Variants in SEMA4F observed in about 807,000 individuals in gnomAD.
The protein encoded by SEMA4F is semaphorin-4F.
SEMA4F carries 51 observed loss-of-function variants against 78.4 expected under a neutral mutation model. The ratio of observed to expected loss-of-function variants is 0.65; its 90% CI spans 0.52 to 0.82. The LOEUF (loss-of-function observed/expected upper bound fraction) is 0.82. Ranked by LOEUF, SEMA4F falls within the 40% of genes least tolerant of loss-of-function variation. The pLI is 0.00. For missense variants in SEMA4F, 938 were observed against 1,014.4 expected (o/e 0.92, Z 1.02); for synonymous variants, 418 against 408.7 (o/e 1.02, Z -0.27).
chr2:74,673,474 G>A lies in SEMA4F; in HGVS notation c.568G>A (p.Ala190Thr). 2 of 1,614,096 alleles carry A rather than the reference G, an allele frequency of 1.2e-6. No individual in the cohort carries two copies. The highest frequency in any genetic ancestry group is 1.7e-6 in the Non-Finnish European group (2 of 1,180,016). ...AVMAGGVLYAATVKNYLGTEP... is the reference protein window; with the variant it reads ...AVMAGGVLYATTVKNYLGTEP... ...CCCTGCAGGGGGGGTCCTCTATGCT[G>A]CCACTGTGAAAAACTACCTGGGGAC... Residue 190 changes from alanine (A) to threonine (T), a missense_variant, in exon 6 of 14, where the codon GCC becomes ACC. By Grantham distance (58) the Ala-to-Thr change is moderately conservative (BLOSUM62 0). Coordinates refer to ENST00000357877, the MANE Select transcript of SEMA4F (RefSeq NM_004263.5).
At chr2:74,662,187 A>G (rs1332096241) in intron 4 of SEMA4F, among the ~76,000 whole-genome samples, 1 of 152,076 alleles carries the variant, frequency 6.6e-6, no homozygotes, top group Non-Finnish European at 1.5e-5. Flanking sequence ...CCTTGGTCGT[A>G]TGATGCAGCT....
chr2:74,696,345 G>GC, the SEMA4F span, among the ~76,000 whole-genome samples: 2 of 151,870 alleles, frequency 1.3e-5, no homozygotes, highest in African/African-American at 4.8e-5. Context: ...ACAGGTGCCT[G>GC]CCACCATGCC....
downstream of SEMA4F, among the ~76,000 whole-genome samples, chr2:74,684,963 C>G (rs1209750215): frequency 6.6e-6 from 1 of 152,222 alleles, no homozygotes; most frequent in Non-Finnish European, 1.5e-5. Context: ...CAGAGCGAGA[C>G]CTTGTCTCAA....
At chr2:74,656,403 G>A (rs1243989010) in intron 1 of SEMA4F, 131 bp from the exon 2 acceptor site, 10 of 791,516 alleles carry the variant, frequency 1.3e-5, no homozygotes, top group Non-Finnish European at 2.1e-5. Flanking sequence ...TGTCAAGGCT[G>A]TGTTTCTCCC....
At chr2:74,705,295 T>C in the SEMA4F span, among the ~76,000 whole-genome samples, 1 of 152,196 alleles carries the variant, frequency 6.6e-6, no homozygotes, top group East Asian at 1.9e-4. Flanking sequence ...GCAATTCCAC[T>C]CTTAGGAATT....
chr2:74,665,465 G>A (rs529893109), intron 5 of SEMA4F, among the ~76,000 whole-genome samples: 2 of 151,964 alleles, frequency 1.3e-5, no homozygotes, highest in Non-Finnish European at 2.9e-5. Flanking sequence ...TCCTGACCTC[G>A]TGATCTGCCC....
In SEMA4F at chr2:74,679,924, T is replaced by G; in HGVS notation, c.2028T>G (p.Thr676=). Reference sequence around the variant, plus strand: ...TGGGGATTCTCGCAGCATCCCTGACTCTCATTCTGATTGGTCGGCGTCAGC... The same window carrying G: ...TGGGGATTCTCGCAGCATCCCTGACGCTCATTCTGATTGGTCGGCGTCAGC... ...FFLGILAASL[T]LILIGRRQQR... The change falls in exon 14 of 14, where the codon ACT becomes ACG. Residue 676 remains threonine, a synonymous_variant. Coordinates refer to ENST00000357877, the MANE Select transcript of SEMA4F (RefSeq NM_004263.5). 6.2e-7 allele frequency: 1 copy of G among 1,614,216 alleles called. No homozygotes were observed. The highest frequency in any genetic ancestry group is 8.5e-7 in the Non-Finnish European group (1 of 1,180,048).
chr2:74,677,022 C>T (rs1002909094), intron 12 of SEMA4F, among the ~76,000 whole-genome samples: 3 of 152,134 alleles, frequency 2.0e-5, no homozygotes, highest in African/African-American at 4.8e-5. Context: ...CTGCCTCAGC[C>T]TCCCGAATAG....
the SEMA4F span, among the ~76,000 whole-genome samples, chr2:74,689,391 C>T: frequency 6.6e-6 from 1 of 152,194 alleles, no homozygotes; most frequent in African/African-American, 2.4e-5. Flanking sequence ...AGTGGGCATT[C>T]TATACTATTG....
chr2:74,690,784 G>C, the SEMA4F span, among the ~76,000 whole-genome samples: 1 of 152,114 alleles, frequency 6.6e-6, no homozygotes, highest in East Asian at 1.9e-4. Context: ...TTTTCCCCAA[G>C]AATAGCCTGT....
intron 1 of SEMA4F, chr2:74,655,143 T>G: frequency 4.6e-6 from 1 of 215,186 alleles, no homozygotes. Context: ...CTCCCATTAT[T>G]GGATCCACGT....
At chr2:74,675,484 G>T (rs367899167) in intron 10 of SEMA4F, 41 bp from the exon 11 acceptor site, 1 of 1,600,066 alleles carries the variant, frequency 6.2e-7, no homozygotes, top group African/African-American at 1.3e-5. Context: ...CAGGCACAGG[G>T]GCAATTATGT....
Position 74,675,249 on chromosome 2 carries a change from C to T in SEMA4F, c.1237C>T (p.Leu413Phe). The T allele has an allele frequency of 1.2e-6, 2 of 1,614,244 alleles. No individual in the cohort carries two copies. Among genetic ancestry groups the T allele is most frequent in the Middle Eastern group, 1.6e-4 (1 of 6,062 alleles). Residue 413 changes from leucine to phenylalanine, a missense_variant, in exon 10 of 14, where the codon CTC (leucine) becomes TTC (phenylalanine). Coordinates refer to ENST00000357877, the MANE Select transcript of SEMA4F (RefSeq NM_004263.5). Reference protein sequence around the residue: ...RVLTFIRDHPLMDRPVFPADG... With the variant: ...RVLTFIRDHPFMDRPVFPADG... ...ACTCACCTTCATCCGGGACCACCCA[C>T]TCATGGACAGGCCAGTGTTTCCAGC...
At chr2:74,673,970 AGG>A in intron 7 of SEMA4F, 142 bp downstream of exon 7, 11 of 1,006,294 alleles carry the variant, frequency 1.1e-5, no homozygotes, top group Admixed American at 4.7e-5. Flanking sequence ...TGGGAGCTTG[AGG>A]AATGTGAGAG....
At chr2:74,694,109 T>C in the SEMA4F span, among the ~76,000 whole-genome samples, 1 of 152,312 alleles carries the variant, frequency 6.6e-6, no homozygotes, top group East Asian at 1.9e-4. Context: ...TGATAAAACA[T>C]CTGCAGACAA....
chr2:74,671,542 C>T (rs1320741695), intron 5 of SEMA4F, among the ~76,000 whole-genome samples: 1 of 152,218 alleles, frequency 6.6e-6, no homozygotes, highest in Non-Finnish European at 1.5e-5. Flanking sequence ...GTAGCTCTCC[C>T]CTTAAATGAG....
Position 74,679,799 on chromosome 2 carries a change from G to A in SEMA4F, c.1903G>A (p.Ala635Thr). The stretch of plus-strand genomic sequence containing the variant: ...TGCCTGTGAATGTCAGGAGGGTGGG[G>A]CAGCCCATGTGGTAGCAGCTTACAG... The part of the protein sequence containing the change: ...AYACECQEGG[A>T]AHVVAAYSLV... The change falls in exon 14 of 14, where the codon GCA becomes ACA. Residue 635 changes from alanine (A) to threonine (T), a missense_variant. Physicochemically the swap from Ala to Thr is moderately conservative, Grantham distance 58 (BLOSUM62 0). Coordinates refer to ENST00000357877, the MANE Select transcript of SEMA4F (RefSeq NM_004263.5). 6.2e-7 allele frequency: 1 copy of A among 1,614,202 alleles called. No individual in the cohort carries two copies. The highest frequency in any genetic ancestry group is 8.5e-7 in the Non-Finnish European group (1 of 1,180,028).
At chr2:74,708,501 G>A in the SEMA4F span, among the ~76,000 whole-genome samples, 2 of 152,214 alleles carry the variant, frequency 1.3e-5, no homozygotes, top group East Asian at 3.9e-4. Flanking sequence ...TACCCCAGTG[G>A]AGTGTCCACA....
the SEMA4F span, among the ~76,000 whole-genome samples, chr2:74,699,888 G>A: frequency 1.3e-5 from 2 of 152,166 alleles, no homozygotes. Context: ...AGAATGGGAG[G>A]GCAGAAGTGG....
Sources: gnomAD v4.1 joint callset for allele counts (sites outside exome capture counted in the v4.1 genomes callset) on GRCh38, gnomAD v4.1.1 for gene constraint, MANE v1.5 for transcripts, NCBI Gene and HGNC (gene_info 2026-07-23, HGNC 2026-07-21) for gene names.